C2orf78: variants seen among roughly 807,000 people sequenced by gnomAD.
C2orf78 encodes the protein chromosome 2 open reading frame 78.
A neutral mutation model predicts 21.4 loss-of-function variants in C2orf78; 12 were observed. The observed-to-expected ratio is 0.56, with a 90% CI of 0.36 to 0.91. The LOEUF (loss-of-function observed/expected upper bound fraction) is 0.91, where lower values mean the gene tolerates loss of function less well. Among genes scored for constraint, C2orf78 ranks in the 40% least tolerant of loss-of-function variants. The pLI, the probability that C2orf78 is intolerant of heterozygous loss-of-function variation, is 0.01. For synonymous variants in C2orf78, 396 were observed against 413.9 expected (o/e 0.96, Z 0.52); for missense variants, 1,042 against 1,092.4 (o/e 0.95, Z 0.65).
chr2:73,816,433 G>T, exon 3 of C2orf78: 1 of 1,613,850 alleles, frequency 6.2e-7, no homozygotes, highest in Non-Finnish European at 8.5e-7. Context: ...GTTTCTCGGC[G>T]GCCAAACCCT....
intron 1 of C2orf78, 22 bp from the exon 2 acceptor site, chr2:73,813,455 A>G: frequency 6.5e-7 from 1 of 1,542,082 alleles, no homozygotes; most frequent in Non-Finnish European, 8.7e-7. Flanking sequence ...CGGTTTTTTC[A>G]TCTCTCTCTT....
exon 3 of C2orf78, chr2:73,815,265 C>G: frequency 6.2e-7 from 1 of 1,613,954 alleles, no homozygotes; most frequent in Non-Finnish European, 8.5e-7. Context: ...TCTCTTGACA[C>G]TGTCTCCAGC....
chr2:73,815,471 C>T (rs766067131), exon 3 of C2orf78: 18 of 1,613,818 alleles, frequency 1.1e-5, no homozygotes, highest in Non-Finnish European at 1.4e-5. Context: ...CTGAAAATGC[C>T]AATCTAAGAA....
At chr2:73,813,229 T>A (rs182109069) in intron 1 of C2orf78, among the ~76,000 whole-genome samples, 2 of 152,316 alleles carry the variant, frequency 1.3e-5, no homozygotes, top group Non-Finnish European at 2.9e-5. Flanking sequence ...TAGGAAATAA[T>A]GTACGAAACC....
chr2:73,813,493 G>A (rs559932806), exon 2 of C2orf78: 101 of 1,603,366 alleles, frequency 6.3e-5, no homozygotes, highest in South Asian at 1.0e-4. Context: ...TCCAAAATAC[G>A]TCTTTACCTG....
chr2:73,814,448 C>T (rs1041749983), intron 2 of C2orf78, among the ~76,000 whole-genome samples: 1 of 152,154 alleles, frequency 6.6e-6, no homozygotes, highest in Non-Finnish European at 1.5e-5. Context: ...GTAAGAGAAT[C>T]GCAAGAGCAT....
chr2:73,808,235 CAG>C (rs1411265803), intron 1 of C2orf78, among the ~76,000 whole-genome samples: 1 of 150,998 alleles, frequency 6.6e-6, no homozygotes, highest in Non-Finnish European at 1.5e-5. Flanking sequence ...GCCTGGGTGA[CAG>C]AGCCAGACTC....
chr2:73,816,685 C>T (rs1420855336), exon 3 of C2orf78: 4 of 1,613,886 alleles, frequency 2.5e-6, no homozygotes, highest in Non-Finnish European at 3.4e-6. Context: ...TCATCTTGTT[C>T]TTCTCTGCAG....
At chr2:73,808,203 A>C (rs1215523996) in intron 1 of C2orf78, among the ~76,000 whole-genome samples, 1 of 150,996 alleles carries the variant, frequency 6.6e-6, no homozygotes, top group Non-Finnish European at 1.5e-5. Context: ...GCAGTGAGCC[A>C]AGATCACGCC....
chr2:73,811,684 A>T (rs1673092530), intron 1 of C2orf78, among the ~76,000 whole-genome samples: 1 of 152,164 alleles, frequency 6.6e-6, no homozygotes, highest in Non-Finnish European at 1.5e-5. Flanking sequence ...CCTACATTCA[A>T]AACATTTTTT....
chr2:73,815,266 T>G lies in C2orf78; in HGVS notation c.1043T>G (p.Leu348Arg), dbSNP rs1673167759. The G allele has an allele frequency of 3.1e-6, 5 of 1,613,864 alleles. No individual in the cohort carries two copies. The South Asian group carries it at 3.3e-5, about 11-fold the overall frequency. The change falls in exon 3 of 3, where the codon CTG becomes CGG. Residue 348 changes from leucine (L) to arginine (R), a missense_variant. Physicochemically the swap from Leu to Arg is moderately radical, Grantham distance 102 (BLOSUM62 -2). Around this residue, in one of 2 missense-constraint regions of C2orf78, gnomAD observed 1,039 missense variants for 1,069.7 expected, o/e 0.97. Coordinates refer to ENST00000409561, the Ensembl canonical transcript of C2orf78. ...CAGAGTCCTACTAATCTCTTGACAC[T>G]GTCTCCAGCTCCAAGCCAGGAAAAA...
rs1012023283 is a variant in C2orf78 at position 73,809,908 on chromosome 2, G to C, written c.98-3569G>C. Among the ~76,000 whole-genome samples the C allele has an allele frequency of 6.6e-5, 10 of 152,076 alleles. No individual in the cohort carries two copies. In the South Asian group the frequency reaches 1.0e-3, roughly 16 times the overall value. On this transcript the variant is annotated intron_variant, in intron 1 of 2. Coordinates refer to ENST00000409561, the Ensembl canonical transcript of C2orf78. ...GCAGGTATTCTAGAGTAAGGAATTTGGTATTTTAATTAAAGCAGAAAGACA... is the reference window on the plus strand; with the variant it reads ...GCAGGTATTCTAGAGTAAGGAATTTCGTATTTTAATTAAAGCAGAAAGACA...
At chr2:73,784,602 A>G (rs1274402728) in intron 1 of C2orf78, among the ~76,000 whole-genome samples, 196 bp downstream of exon 1, 1 of 151,382 alleles carries the variant, frequency 6.6e-6, no homozygotes, top group Non-Finnish European at 1.5e-5. Context: ...TCTCTCACAA[A>G]ATCTGTTTCC....
At chr2:73,813,961 A>G (rs1673141402) in exon 2 of C2orf78, 2 of 1,613,932 alleles carry the variant, frequency 1.2e-6, no homozygotes, top group Non-Finnish European at 1.7e-6. Context: ...CTCAAATTCC[A>G]AATCAGCAGG....
At chr2:73,816,532 C>T in exon 3 of C2orf78, 1 of 1,613,926 alleles carries the variant, frequency 6.2e-7, no homozygotes, top group South Asian at 1.1e-5. Context: ...CCATCCCGAC[C>T]AGCTCCTACC....
At chr2:73,785,756 T>C (rs1332832383) in intron 1 of C2orf78, among the ~76,000 whole-genome samples, 1 of 151,938 alleles carries the variant, frequency 6.6e-6, no homozygotes, top group Non-Finnish European at 1.5e-5. Context: ...TTTGGAAATA[T>C]GTTTTAGAGG....
At chr2:73,816,172 T>G (rs376251594) in exon 3 of C2orf78, 2 of 1,613,798 alleles carry the variant, frequency 1.2e-6, no homozygotes, top group African/African-American at 2.7e-5. Flanking sequence ...AAAACTGGAT[T>G]CTCTTCCTCC....
At chr2:73,810,803 A>AG (rs1203034671) in intron 1 of C2orf78, among the ~76,000 whole-genome samples, 2 of 75,422 alleles carry the variant, frequency 2.7e-5, no homozygotes, top group East Asian at 8.6e-4. Context: ...TATATATATA[A>AG]TATACATGTA....
exon 3 of C2orf78, chr2:73,815,460 T>C (rs1673173752): frequency 3.1e-6 from 5 of 1,613,770 alleles, no homozygotes; most frequent in Non-Finnish European, 3.4e-6. Context: ...GCAGCCTGGT[T>C]CTGAAAATGC....
Sources: allele counts gnomAD v4.1 joint callset (sites outside exome capture counted in the v4.1 genomes callset), GRCh38; gene constraint gnomAD v4.1.1; regional missense constraint gnomAD v4.1.1; transcripts MANE v1.5; gene names NCBI Gene and HGNC (gene_info 2026-07-23, HGNC 2026-07-21).